SOS1: variants seen among roughly 807,000 people sequenced by gnomAD.
SOS1 encodes the protein son of sevenless homolog 1.
In SOS1, 25 loss-of-function variants were observed where a neutral mutation model predicts 157.6. That is an observed-to-expected ratio of 0.16 (90% CI 0.12 to 0.22). The LOEUF (loss-of-function observed/expected upper bound fraction) is 0.22. Among genes scored for constraint, SOS1 ranks in the 10% least tolerant of loss-of-function variants. The pLI is 1.00. For synonymous variants in SOS1, 528 were observed against 534.0 expected, an observed-to-expected ratio of 0.99 and a Z score of 0.16; for missense variants, 1,237 against 1,599.1, an observed-to-expected ratio of 0.77 and a Z score of 3.86.
At position 39,120,567 on chromosome 2, in the gene SOS1, G is replaced by C. The variant is rs889444663; in HGVS notation, c.-145C>G. The C allele has an allele frequency of 3.1e-6, 3 of 968,312 alleles. No individual in the cohort carries two copies. The highest frequency in any genetic ancestry group is 3.7e-6 in the Non-Finnish European group (3 of 802,266). The allele number at this position is 968,312 out of a possible 1,614,324, so 60.0% of individuals were successfully genotyped here. A position where few individuals can be genotyped will look rare whatever the true frequency, so the allele number is the denominator to read the frequency against. On this transcript the variant is annotated 5_prime_UTR_variant, in exon 1 of 23. Coordinates refer to ENST00000402219, the MANE Select transcript of SOS1 (RefSeq NM_005633.4). ...CTCCGGGCGCCGCGCAGCCGGGCTA[G>C]CCCTGGCGAGGGGGCTGGGGGGCGA...
At chr2:39,093,579 T>G (rs72906467) in intron 1 of SOS1, among the ~76,000 whole-genome samples, 11,227 of 152,270 alleles carry the variant, frequency 0.074, 1,505 homozygotes, top group African/African-American at 0.26. Context: ...ATCTAATCTA[T>G]TTGTTAAGAA....
At chr2:39,106,771 C>A (rs1673207660) in intron 1 of SOS1, among the ~76,000 whole-genome samples, 1 of 152,128 alleles carries the variant, frequency 6.6e-6, no homozygotes, top group Non-Finnish European at 1.5e-5. Flanking sequence ...TGTGAGGTAG[C>A]CCAGACTAGC....
At chr2:39,100,384 T>C (rs1442013266) in intron 1 of SOS1, among the ~76,000 whole-genome samples, 2 of 152,166 alleles carry the variant, frequency 1.3e-5, no homozygotes, top group Non-Finnish European at 2.9e-5. Flanking sequence ...TTAGTCACAA[T>C]AGCCAAGTTA....
intron 17 of SOS1, among the ~76,000 whole-genome samples, chr2:39,005,106 A>T (rs2124498247): frequency 6.6e-6 from 1 of 152,312 alleles, no homozygotes; most frequent in South Asian, 2.1e-4. Context: ...ACTAAACCCT[A>T]TACATACATA....
intron 2 of SOS1, among the ~76,000 whole-genome samples, chr2:39,066,931 T>G (rs1435448360): frequency 6.6e-6 from 1 of 152,140 alleles, no homozygotes; most frequent in Non-Finnish European, 1.5e-5. Flanking sequence ...TCGTTTTAGC[T>G]TACAAACAAA....
intron 1 of SOS1, among the ~76,000 whole-genome samples, chr2:39,077,347 T>G (rs1219555803): frequency 1.3e-5 from 2 of 151,840 alleles, no homozygotes; most frequent in East Asian, 3.8e-4. Context: ...AAGAAAATCC[T>G]TTATGAAGAA....
chr2:39,053,080 G>C (rs1213882331), intron 5 of SOS1, among the ~76,000 whole-genome samples: 1 of 152,124 alleles, frequency 6.6e-6, no homozygotes, highest in Non-Finnish European at 1.5e-5. Flanking sequence ...TTGAACCTGG[G>C]AGGCAGAGGT....
At chr2:39,102,918 G>A (rs1262067614) in intron 1 of SOS1, among the ~76,000 whole-genome samples, 1 of 152,084 alleles carries the variant, frequency 6.6e-6, no homozygotes, top group Non-Finnish European at 1.5e-5. Context: ...TCACGCCACT[G>A]CACTCCAGTC....
chr2:39,067,892 G>A, intron 1 of SOS1, 139 bp from the exon 2 acceptor site: 3 of 730,970 alleles, frequency 4.1e-6, no homozygotes, highest in Non-Finnish European at 7.3e-6. Context: ...GCCAAGGCGG[G>A]CAGATCACCT....
At chr2:39,029,928 A>G (rs1432934824) in intron 8 of SOS1, among the ~76,000 whole-genome samples, 3 of 152,110 alleles carry the variant, frequency 2.0e-5, no homozygotes, top group Non-Finnish European at 4.4e-5. Context: ...GTACTTTGGG[A>G]GGTCTAGGTG....
Position 38,986,293 on chromosome 2 carries a change from C to A in SOS1, c.3533G>T (p.Ser1178Ile), listed in dbSNP as rs1050237569. 2 of 1,612,474 alleles carry A rather than the reference C, an allele frequency of 1.2e-6. No individual in the cohort carries two copies. The highest frequency in any genetic ancestry group is 1.7e-5 in the Admixed American group (1 of 59,892). The change falls in exon 23 of 23, where the codon AGT (serine) becomes ATT (isoleucine). Residue 1178 changes from serine (S) to isoleucine (I), a missense_variant. Physicochemically the swap from Ser to Ile is moderately radical, Grantham distance 142. Around this residue, in one of 15 missense-constraint regions of SOS1, gnomAD observed 306 missense variants for 322.6 expected, o/e 0.95. Coordinates refer to ENST00000402219, the MANE Select transcript of SOS1 (RefSeq NM_005633.4). ...PSKIMSKHLD[S>I]PPAIPPRQPT... ...TTGCCTAGGAGGAATGGCTGGGGGA[C>A]TGTCCAAATGCTTAGACATAATCTA...
At chr2:39,047,727 G>T (rs970454459) in intron 6 of SOS1, among the ~76,000 whole-genome samples, 1 of 152,202 alleles carries the variant, frequency 6.6e-6, no homozygotes, top group African/African-American at 2.4e-5. Context: ...CTGGAGTACA[G>T]TGGTGTGCTC....
chr2:39,087,410 A>G (rs1672418963), intron 1 of SOS1, among the ~76,000 whole-genome samples: 1 of 152,230 alleles, frequency 6.6e-6, no homozygotes, highest in Non-Finnish European at 1.5e-5. Flanking sequence ...TCTATGGTTC[A>G]TGATTAACTT....
Position 39,022,719 on chromosome 2 carries a change from G to A in SOS1, c.1709C>T (p.Pro570Leu). Residue 570 changes from proline to leucine, a missense_variant, in exon 10 of 23, where the codon CCT becomes CTT. This residue lies in a region of SOS1 where 210 missense variants were observed against 220.2 expected (regional missense o/e 0.95). Coordinates refer to ENST00000402219, the MANE Select transcript of SOS1 (RefSeq NM_005633.4). The part of the protein sequence containing the change: ...QEEKEEQMRL[P>L]SADVYRFAEP... ...TGCAAATCTATAAACATCAGCACTA[G>A]GCAGCCTCATCTGCTCCTCTTTCTC... 1 of 1,613,690 alleles carries A rather than the reference G, an allele frequency of 6.2e-7. No individual in the cohort carries two copies. Among genetic ancestry groups the A allele is most frequent in the Non-Finnish European group, 8.5e-7 (1 of 1,179,702 alleles).
chr2:39,116,979 G>T (rs1359749636), intron 1 of SOS1, among the ~76,000 whole-genome samples: 1 of 151,400 alleles, frequency 6.6e-6, no homozygotes, highest in Non-Finnish European at 1.5e-5. Context: ...GACATGCCCT[G>T]CCACTTCCCA....
chr2:39,030,626 G>A (rs1241790724), intron 8 of SOS1, among the ~76,000 whole-genome samples: 3 of 152,132 alleles, frequency 2.0e-5, no homozygotes, highest in Non-Finnish European at 4.4e-5. Context: ...AATGTAGCCA[G>A]TGTATATGCT....
At chr2:39,079,667 G>C (rs565290729) in intron 1 of SOS1, among the ~76,000 whole-genome samples, 11 of 151,668 alleles carry the variant, frequency 7.3e-5, no homozygotes, top group Non-Finnish European at 1.6e-4. Flanking sequence ...GCTAATTTTT[G>C]TATTTTTAGT....
chr2:39,066,902 T>C (rs1301502800), intron 2 of SOS1, among the ~76,000 whole-genome samples: 1 of 152,220 alleles, frequency 6.6e-6, no homozygotes. Context: ...GGTATATCAT[T>C]CTATCATCAA....
chr2:38,989,217 T>C, intron 21 of SOS1, 53 bp downstream of exon 21: 1 of 1,276,356 alleles, frequency 7.8e-7, no homozygotes, highest in Non-Finnish European at 1.1e-6. Flanking sequence ...TACACTTGGT[T>C]TGATTTTTAA....
Sources: gnomAD v4.1 joint callset for allele counts (sites outside exome capture counted in the v4.1 genomes callset) on GRCh38, gnomAD v4.1.1 for gene constraint, gnomAD v4.1.1 regional missense constraint, MANE v1.5 for transcripts, NCBI Gene and HGNC (gene_info 2026-07-23, HGNC 2026-07-21) for gene names.